Variants in TRIQK observed in about 807,000 individuals in gnomAD.
TRIQK encodes triple QxxK/R motif-containing protein.
In TRIQK, 10 loss-of-function variants were observed where a neutral mutation model predicts 10.8. That is an observed-to-expected ratio of 0.92 (90% CI 0.57 to 1.57). The LOEUF (loss-of-function observed/expected upper bound fraction) is 1.57, where lower values mean the gene tolerates loss of function less well. TRIQK is among the 40% of genes most tolerant of loss of function. TRIQK has a pLI of 0.00. For synonymous variants in TRIQK, 33 were observed against 33.7 expected, an observed-to-expected ratio of 0.98 and a Z score of 0.07; for missense variants, 107 against 97.7, an observed-to-expected ratio of 1.09 and a Z score of -0.40.
At chr8:92,894,544 A>G (rs569025759) in intron 3 of TRIQK, among the ~76,000 whole-genome samples, 28 of 152,234 alleles carry the variant, frequency 1.8e-4, no homozygotes, top group African/African-American at 6.7e-4. Context: ...GTGATGCAAT[A>G]ACCAAAGTAG....
At chr8:92,944,278 T>C (rs1811409869) in intron 2 of TRIQK, among the ~76,000 whole-genome samples, 1 of 148,468 alleles carries the variant, frequency 6.7e-6, no homozygotes, top group Admixed American at 6.9e-5. Flanking sequence ...AGTACAGCCA[T>C]TATGGAAGAG....
intron 1 of TRIQK, among the ~76,000 whole-genome samples, chr8:93,000,394 G>T (rs529229509): frequency 1.3e-5 from 2 of 152,254 alleles, no homozygotes; most frequent in East Asian, 3.9e-4. Flanking sequence ...CATCTTACAT[G>T]GTGGCCAACA....
At chr8:93,002,850 G>A (rs1813227466) in intron 1 of TRIQK, among the ~76,000 whole-genome samples, 1 of 151,762 alleles carries the variant, frequency 6.6e-6, no homozygotes, top group African/African-American at 2.4e-5. Context: ...AACCCGGAAG[G>A]CAGAGGTTGC....
chr8:92,971,865 G>A (rs116355056), intron 1 of TRIQK, among the ~76,000 whole-genome samples: 2,491 of 152,198 alleles, frequency 0.016, 68 homozygotes, highest in African/African-American at 0.056. Flanking sequence ...AAAGAACAGA[G>A]CTAGAGGCAT....
chr8:92,889,482 A>G (rs1360877946), intron 4 of TRIQK, among the ~76,000 whole-genome samples: 3 of 151,664 alleles, frequency 2.0e-5, no homozygotes, highest in Non-Finnish European at 4.4e-5. Flanking sequence ...TTAAAACTTT[A>G]TAACACTAAT....
intron 2 of TRIQK, chr8:92,953,590 C>A (rs1812017915): frequency 6.6e-6 from 1 of 151,768 alleles, no homozygotes; most frequent in African/African-American, 2.4e-5. Context: ...AAGAGCAATT[C>A]AGTAGAAAGA....
In TRIQK at chr8:92,907,066, G is replaced by C. The variant is rs140250844; in HGVS notation, c.61+9863C>G. 4.7e-4 allele frequency among the ~76,000 whole-genome samples: 72 copies of C among 152,294 alleles called. 2 individuals carry two copies. In the East Asian group the frequency reaches 0.013, roughly 28 times the overall value. On this transcript the variant is annotated intron_variant, in intron 3 of 4. Transcript: ENST00000521988. ...AAATAACATGAAAATGGGAGAGAAA[G>C]AGATTGAGATTGATTCATTGATTCC...
At chr8:93,003,921 G>A (rs1011172147) in intron 1 of TRIQK, among the ~76,000 whole-genome samples, 6 of 152,198 alleles carry the variant, frequency 3.9e-5, no homozygotes, top group Non-Finnish European at 8.8e-5. Flanking sequence ...CAGGGGGTGT[G>A]ATCCCAAGGC....
At chr8:92,986,979 C>A (rs1030450073) in intron 1 of TRIQK, among the ~76,000 whole-genome samples, 1 of 152,240 alleles carries the variant, frequency 6.6e-6, no homozygotes, top group Non-Finnish European at 1.5e-5. Context: ...AAGTAACAGA[C>A]CTGTTTCCCC....
intron 1 of TRIQK, among the ~76,000 whole-genome samples, chr8:93,016,486 C>T (rs1813384941): frequency 6.6e-6 from 1 of 152,144 alleles, no homozygotes; most frequent in South Asian, 2.1e-4. Context: ...GCAAAGTTTA[C>T]TTTTACTTTT....
chr8:92,965,120 G>A (rs907066932), intron 1 of TRIQK: 1 of 152,158 alleles, frequency 6.6e-6, no homozygotes, highest in Non-Finnish European at 1.5e-5. Flanking sequence ...CATTAAGTAT[G>A]AGCCGAGTGA....
chr8:92,940,859 G>C (rs1370535038), intron 2 of TRIQK, among the ~76,000 whole-genome samples: 1 of 152,052 alleles, frequency 6.6e-6, no homozygotes, highest in Admixed American at 6.6e-5. Context: ...CATTTCCCAG[G>C]ATAGATCATA....
intron 1 of TRIQK, among the ~76,000 whole-genome samples, chr8:93,015,459 T>A (rs1813375260): frequency 9.7e-6 from 1 of 102,716 alleles, no homozygotes; most frequent in South Asian, 3.2e-4. Flanking sequence ...AAGCATAAGC[T>A]TTTTTTTTTT....
intron 1 of TRIQK, among the ~76,000 whole-genome samples, chr8:92,979,989 T>C (rs1812970332): frequency 6.6e-6 from 1 of 152,186 alleles, no homozygotes; most frequent in East Asian, 1.9e-4. Context: ...TAGCATAATG[T>C]TGAAGAATAG....
chr8:92,892,054 T>A lies in TRIQK; in HGVS notation c.82A>T (p.Thr28Ser). The A allele has an allele frequency of 1.3e-6, 2 of 1,530,450 alleles. No individual in the cohort carries two copies. The highest frequency in any genetic ancestry group is 1.8e-6 in the Non-Finnish European group (2 of 1,141,730). 94.8% of individuals were successfully genotyped at this position (1,530,450 alleles called of 1,614,324 possible). A position where few individuals can be genotyped will look rare whatever the true frequency, so the allele number is the denominator to read the frequency against. Reference sequence around the variant, plus strand: ...TTGGTTGCTCGTAAAATAGGTTTAGTTTTTTTATAATCCTGTTTACCTAGA... The same window carrying A: ...TTGGTTGCTCGTAAAATAGGTTTAGATTTTTTATAATCCTGTTTACCTAGA... ...KQIGKQDYKK[T>S]KPILRATKLK... Residue 28 changes from threonine (T) to serine (S), a missense_variant, in exon 4 of 5, where the codon ACT becomes TCT. Thr to Ser is a moderately conservative substitution (Grantham distance 58). Coordinates refer to ENST00000521988, the MANE Select transcript of TRIQK (RefSeq NM_001171797.2).
At position 92,892,052 on chromosome 8, in the gene TRIQK, A is replaced by G; in HGVS notation, c.84T>C (p.Thr28=). The G allele has an allele frequency of 6.5e-7, 1 of 1,531,876 alleles. No homozygotes were observed. Among genetic ancestry groups the G allele is most frequent in the Non-Finnish European group, 8.7e-7 (1 of 1,142,936 alleles). 94.9% of individuals were successfully genotyped at this position (1,531,876 alleles called of 1,614,324 possible). ...ATTTGGTTGCTCGTAAAATAGGTTT[A>G]GTTTTTTTATAATCCTGTTTACCTA... ...KQIGKQDYKK[T]KPILRATKLK... is the part of the protein sequence containing the mutation. Residue 28 remains threonine (T), a synonymous_variant, in exon 4 of 5, where the codon ACT becomes ACC. Coordinates refer to ENST00000521988, the MANE Select transcript of TRIQK (RefSeq NM_001171797.2).
chr8:92,987,882 A>C (rs1175136223), intron 1 of TRIQK, among the ~76,000 whole-genome samples: 1 of 152,012 alleles, frequency 6.6e-6, no homozygotes, highest in Non-Finnish European at 1.5e-5. Flanking sequence ...TGATGAAGAG[A>C]TAGAAATACG....
rs1351169273 is a variant in TRIQK at position 92,965,988 on chromosome 8, G to C, written c.-181+19C>G. ...CGGGCAGGGTCTCCCCAATCCCCTC[G>C]CACTCGCCGGACACACACCTCAGCT... On this transcript the variant is annotated intron_variant, in intron 1 of 4. Transcript: ENST00000521988. The C allele has an allele frequency of 6.5e-6, 1 of 152,724 alleles. No individual in the cohort carries two copies. The highest frequency in any genetic ancestry group is 2.4e-5 in the African/African-American group (1 of 41,458). The allele number at this position is 152,724 out of a possible 1,614,324, so 9.5% of individuals were successfully genotyped here.
intron 1 of TRIQK, among the ~76,000 whole-genome samples, chr8:93,002,950 A>G (rs1813229004): frequency 6.6e-6 from 1 of 151,994 alleles, no homozygotes; most frequent in African/African-American, 2.4e-5. Flanking sequence ...TTAATTGAAA[A>G]GAAGAGAATA....
Sources: allele counts gnomAD v4.1 joint callset (sites outside exome capture counted in the v4.1 genomes callset), GRCh38; gene constraint gnomAD v4.1.1; transcripts MANE v1.5; gene names NCBI Gene and HGNC (gene_info 2026-07-23, HGNC 2026-07-21).